The following RBPJ variants were observed in gnomAD, a reference collection of about 807,000 sequenced individuals.
RBPJ encodes the protein recombining binding protein suppressor of hairless.
A neutral mutation model predicts 67.8 loss-of-function variants in RBPJ; 9 were observed. The ratio of observed to expected loss-of-function variants is 0.13; its 90% CI spans 0.08 to 0.23. The LOEUF (loss-of-function observed/expected upper bound fraction) is 0.23, where lower values mean the gene tolerates loss of function less well. RBPJ is among the 10% of genes least tolerant of loss of function. RBPJ has a pLI of 1.00. For synonymous variants in RBPJ, 198 were observed against 203.3 expected, an observed-to-expected ratio of 0.97 and a Z score of 0.22; for missense variants, 305 against 595.6, an observed-to-expected ratio of 0.51 and a Z score of 5.08.
chr4:26,399,373 C>T (rs1012726835), intron 2 of RBPJ, among the ~76,000 whole-genome samples: 14 of 152,130 alleles, frequency 9.2e-5, no homozygotes, highest in Admixed American at 5.2e-4. Context: ...TACCTTTACG[C>T]GGGGACCAGG....
At chr4:26,211,775 A>T (rs1718430608) in intron 1 of RBPJ, among the ~76,000 whole-genome samples, 1 of 152,186 alleles carries the variant, frequency 6.6e-6, no homozygotes, top group Non-Finnish European at 1.5e-5. Context: ...CATATGTTGA[A>T]GTCTGAACCT....
intron 1 of RBPJ, among the ~76,000 whole-genome samples, chr4:26,340,721 T>C (rs1725424839): frequency 6.6e-6 from 1 of 151,958 alleles, no homozygotes; most frequent in Non-Finnish European, 1.5e-5. Flanking sequence ...TAGCTGGGCG[T>C]GGTGGCGGGC....
intron 2 of RBPJ, among the ~76,000 whole-genome samples, chr4:26,390,832 A>T (rs1428268673): frequency 6.6e-6 from 1 of 152,196 alleles, no homozygotes; most frequent in East Asian, 1.9e-4. Context: ...AGGTGTGAGG[A>T]TCACTTAAGG....
intron 1 of RBPJ, among the ~76,000 whole-genome samples, chr4:26,269,823 A>G (rs1279193172): frequency 2.6e-5 from 4 of 152,110 alleles, no homozygotes; most frequent in African/African-American, 9.7e-5. Context: ...ATGACAGAGA[A>G]AAGAGTCAAA....
intron 1 of RBPJ, among the ~76,000 whole-genome samples, chr4:26,365,571 T>G (rs1728537315): frequency 6.6e-6 from 1 of 152,370 alleles, no homozygotes; most frequent in South Asian, 2.1e-4. Flanking sequence ...TTCTGTTTAG[T>G]TTTATCAAAA....
At chr4:26,354,545 G>A (rs1047898893) in intron 1 of RBPJ, among the ~76,000 whole-genome samples, 15 of 149,550 alleles carry the variant, frequency 1.0e-4, no homozygotes, top group African/African-American at 3.4e-4. Flanking sequence ...CACTTCCTGG[G>A]TTCAACCGAT....
At chr4:26,300,212 A>T (rs1162012183) in intron 1 of RBPJ, among the ~76,000 whole-genome samples, 1 of 150,410 alleles carries the variant, frequency 6.6e-6, no homozygotes, top group Non-Finnish European at 1.5e-5. Flanking sequence ...GGATAAAAAC[A>T]TCCACCTTGC....
In RBPJ at chr4:26,233,830, G is replaced by A. The variant is rs925098936; in HGVS notation, c.-167+70216G>A. On this transcript the variant is annotated intron_variant, in intron 1 of 4. Transcript: ENST00000512351. ...TTGCAAAAATCAAAGAGGAACAAGT[G>A]ATTAGCCATGAATGGTTCTGTTCTT... 2.6e-5 allele frequency among the ~76,000 whole-genome samples: 4 copies of A among 152,182 alleles called. No homozygotes were observed. In the East Asian group the frequency reaches 5.8e-4, roughly 22 times the overall value.
At chr4:26,301,400 G>A (rs999987142) in intron 1 of RBPJ, among the ~76,000 whole-genome samples, 1 of 152,020 alleles carries the variant, frequency 6.6e-6, no homozygotes, top group African/African-American at 2.4e-5. Context: ...AGACCATCTT[G>A]GCTCACACGG....
chr4:26,261,804 T>C (rs1360165574), intron 1 of RBPJ, among the ~76,000 whole-genome samples: 1 of 152,252 alleles, frequency 6.6e-6, no homozygotes, highest in Non-Finnish European at 1.5e-5. Flanking sequence ...TGGATAATTT[T>C]AGCCAGAAGT....
intron 1 of RBPJ, among the ~76,000 whole-genome samples, chr4:26,195,899 T>A (rs1717744236): frequency 6.6e-6 from 1 of 152,194 alleles, no homozygotes; most frequent in Non-Finnish European, 1.5e-5. Flanking sequence ...TGGCCGTGTG[T>A]TTTGTATTTT....
chr4:26,230,566 G>T (rs1719242611), intron 1 of RBPJ, among the ~76,000 whole-genome samples: 1 of 152,184 alleles, frequency 6.6e-6, no homozygotes, highest in Admixed American at 6.5e-5. Flanking sequence ...CAGAGCCAGG[G>T]TTGGACCTTG....
In RBPJ at chr4:26,420,658, C is replaced by T. The variant is rs2109804686; in HGVS notation, c.429C>T (p.Phe143=). The T allele has an allele frequency of 6.2e-7, 1 of 1,613,886 alleles. No individual in the cohort carries two copies. The highest frequency in any genetic ancestry group is 2.2e-5 in the East Asian group (1 of 44,836). ...GCAACAGTGATGACATTGGTGTGTT[C>T]CTCAGCAAGCGGATAAAAGTCATCT... The part of the protein sequence containing the change: ...FYGNSDDIGV[F]LSKRIKVISK... The change falls in exon 5 of 11, where the codon TTC becomes TTT. Residue 143 remains phenylalanine (F), a synonymous_variant. Coordinates refer to ENST00000355476, the MANE Select transcript of RBPJ (RefSeq NM_015874.6).
chr4:26,260,051 CTTG>C (rs1720476765), intron 1 of RBPJ, among the ~76,000 whole-genome samples: 1 of 152,186 alleles, frequency 6.6e-6, no homozygotes, highest in South Asian at 2.1e-4. Context: ...CAAACTAGAT[CTTG>C]TTCAGACATA....
intron 1 of RBPJ, among the ~76,000 whole-genome samples, chr4:26,370,369 A>G (rs1023812290): frequency 6.6e-6 from 1 of 152,248 alleles, no homozygotes; most frequent in Non-Finnish European, 1.5e-5. Flanking sequence ...CAATTTGTTA[A>G]CTAATAACAT....
chr4:26,344,586 C>T (rs1163210072), intron 1 of RBPJ, among the ~76,000 whole-genome samples: 1 of 152,182 alleles, frequency 6.6e-6, no homozygotes, highest in Admixed American at 6.5e-5. Flanking sequence ...TCACCTGGAG[C>T]TGACCTACAA....
At chr4:26,293,798 C>T (rs888177574) in intron 1 of RBPJ, among the ~76,000 whole-genome samples, 3 of 152,148 alleles carry the variant, frequency 2.0e-5, no homozygotes, top group South Asian at 2.1e-4. Flanking sequence ...CGATTTGTCA[C>T]CAAGGCTGGA....
chr4:26,220,594 C>G (rs1718868906), intron 1 of RBPJ, among the ~76,000 whole-genome samples: 1 of 152,170 alleles, frequency 6.6e-6, no homozygotes, highest in African/African-American at 2.4e-5. Context: ...CATCGCTTGC[C>G]TCTCCCTGGG....
chr4:26,230,189 TAAA>T (rs76427821), intron 1 of RBPJ, among the ~76,000 whole-genome samples: 2 of 138,410 alleles, frequency 1.4e-5, no homozygotes, highest in African/African-American at 2.6e-5. Context: ...GACCCTATCT[TAAA>T]AAAAAAAAAA....
Sources: gnomAD v4.1 joint callset for allele counts (sites outside exome capture counted in the v4.1 genomes callset) on GRCh38, gnomAD v4.1.1 for gene constraint, MANE v1.5 for transcripts, NCBI Gene and HGNC (gene_info 2026-07-23, HGNC 2026-07-21) for gene names.